KLHL12: variants seen among roughly 807,000 people sequenced by gnomAD.
KLHL12 encodes kelch like family member 12.
In KLHL12, 17 loss-of-function variants were observed where a neutral mutation model predicts 60.8. The ratio of observed to expected loss-of-function variants is 0.28; its 90% CI spans 0.19 to 0.42. The LOEUF (loss-of-function observed/expected upper bound fraction) is 0.42, where lower values mean the gene tolerates loss of function less well. Among genes scored for constraint, KLHL12 ranks in the 10% least tolerant of loss-of-function variants. The pLI, the probability that KLHL12 is intolerant of heterozygous loss-of-function variation, is 1.00. For missense variants in KLHL12, 468 were observed against 722.3 expected, an observed-to-expected ratio of 0.65 and a Z score of 4.04; for synonymous variants, 220 against 250.9, an observed-to-expected ratio of 0.88 and a Z score of 1.16.
intron 4 of KLHL12, chr1:202,911,793 C>T: frequency 1.4e-6 from 1 of 697,954 alleles, no homozygotes; most frequent in Non-Finnish European, 2.6e-6. Flanking sequence ...TCTTTAAAGT[C>T]TCTCTCCTCC....
intron 2 of KLHL12, among the ~76,000 whole-genome samples, chr1:202,921,636 T>G (rs984768274): frequency 2.6e-5 from 4 of 152,242 alleles, no homozygotes; most frequent in Admixed American, 2.0e-4. Context: ...AAATTGTTAG[T>G]AGTATATCTT....
intron 6 of KLHL12, among the ~76,000 whole-genome samples, chr1:202,900,504 G>A (rs145163563): frequency 1.3e-3 from 204 of 152,184 alleles, no homozygotes; most frequent in African/African-American, 4.4e-3. Context: ...GAACAAGGTC[G>A]TGTTCCTGCA....
intron 2 of KLHL12, among the ~76,000 whole-genome samples, chr1:202,922,811 T>C (rs1660738996): frequency 6.6e-6 from 1 of 151,802 alleles, no homozygotes; most frequent in African/African-American, 2.4e-5. Context: ...AACCAGTCAC[T>C]TAGCTAGTAA....
In KLHL12 at chr1:202,895,397, T is replaced by C; in HGVS notation, c.1135+125A>G. ...CAACAGAGAGAGACCCTGTCTCAAA[T>C]AATAATAACATTTGACCTTAATTTT... On this transcript the variant is annotated intron_variant, in intron 8 of 11. Coordinates refer to ENST00000367261, the MANE Select transcript of KLHL12 (RefSeq NM_021633.4). This position sits in a 1 kb window ranked among gnomAD's most constrained non-coding sequence, Gnocchi z 4.2. 1.2e-6 allele frequency: 1 copy of C among 822,084 alleles called. No homozygotes were observed. Among genetic ancestry groups the C allele is most frequent in the Non-Finnish European group, 1.9e-6 (1 of 523,918 alleles). The allele number at this position is 822,084 out of a possible 1,614,324, so 50.9% of individuals were successfully genotyped here. A position where few individuals can be genotyped will look rare whatever the true frequency, so the allele number is the denominator to read the frequency against.
intron 2 of KLHL12, among the ~76,000 whole-genome samples, chr1:202,920,266 A>G (rs1003725722): frequency 6.6e-6 from 1 of 151,682 alleles, no homozygotes; most frequent in African/African-American, 2.4e-5. Context: ...GAGAGCCAAG[A>G]TTGTGCCACT....
At chr1:202,911,465 T>C (rs1660356490) in intron 4 of KLHL12, among the ~76,000 whole-genome samples, 1 of 151,552 alleles carries the variant, frequency 6.6e-6, no homozygotes. Context: ...TATCTCTCTC[T>C]CTCTCTCTCT....
At chr1:202,896,085 G>A (rs998253202) in intron 7 of KLHL12, among the ~76,000 whole-genome samples, 1 of 152,188 alleles carries the variant, frequency 6.6e-6, no homozygotes, top group African/African-American at 2.4e-5. Context: ...AAAGGATGAG[G>A]ATTTATTATA....
intron 1 of KLHL12, 98 bp downstream of exon 1, chr1:202,926,991 C>T (rs1397613541): frequency 1.3e-5 from 12 of 891,902 alleles, no homozygotes; most frequent in Non-Finnish European, 1.6e-5. Context: ...TCTCCCATTC[C>T]GCCTTGCAGG....
At chr1:202,900,737 A>T (rs1286274231) in intron 6 of KLHL12, among the ~76,000 whole-genome samples, 1 of 151,776 alleles carries the variant, frequency 6.6e-6, no homozygotes, top group Non-Finnish European at 1.5e-5. Flanking sequence ...GGTGGTACAC[A>T]CCTGTAGTCC....
chr1:202,910,646 G>C (rs1051209640), intron 5 of KLHL12, among the ~76,000 whole-genome samples: 2 of 152,142 alleles, frequency 1.3e-5, no homozygotes, highest in African/African-American at 4.8e-5. Context: ...GATTAAAGTT[G>C]ACACTAAAAT....
chr1:202,896,676 C>A (rs1399724033), intron 7 of KLHL12, among the ~76,000 whole-genome samples, 178 bp downstream of exon 7: 1 of 152,206 alleles, frequency 6.6e-6, no homozygotes, highest in Non-Finnish European at 1.5e-5. Flanking sequence ...AAGGCATAAT[C>A]TTCTAATCTA....
At chr1:202,923,697 T>TTCC (rs1653341410) in intron 2 of KLHL12, among the ~76,000 whole-genome samples, 1 of 152,148 alleles carries the variant, frequency 6.6e-6, no homozygotes, top group African/African-American at 2.4e-5. Context: ...TATTCCTTCA[T>TTCC]TTGTAAAATG....
chr1:202,926,104 CAAAA>C (rs368473168), intron 1 of KLHL12, among the ~76,000 whole-genome samples: 10 of 59,526 alleles, frequency 1.7e-4, no homozygotes, highest in Admixed American at 4.1e-4. Flanking sequence ...GACTCTGTCT[CAAAA>C]AAAAAAAAAA....
intron 4 of KLHL12, chr1:202,912,485 A>C: frequency 3.2e-6 from 3 of 923,914 alleles, no homozygotes; most frequent in Non-Finnish European, 5.3e-6. Flanking sequence ...ATATGGTGGC[A>C]GTGAGGATGG....
At chr1:202,927,348 A>G, upstream of KLHL12, 1 of 859,738 alleles carries the variant, frequency 1.2e-6, no homozygotes, top group Non-Finnish European at 1.4e-6. Context: ...TCTGTACCCT[A>G]GCGCGGGGCT....
At chr1:202,903,852 G>A (rs937175707) in intron 6 of KLHL12, among the ~76,000 whole-genome samples, 1 of 150,808 alleles carries the variant, frequency 6.6e-6, no homozygotes, top group Non-Finnish European at 1.5e-5. Context: ...CGAATTCCTG[G>A]GCTCCATCGC....
In KLHL12 at chr1:202,925,227, A is replaced by AG. The variant is rs1653471533; in HGVS notation, c.-45-21_-45-20insC. The AG allele has an allele frequency of 5.0e-6, 8 of 1,600,466 alleles. No individual in the cohort carries two copies. The highest frequency in any genetic ancestry group is 6.8e-6 in the Non-Finnish European group (8 of 1,174,556). ...CTGCAACTACAAGAGGGAAAAAAAA[A>AG]CAATGAGCATATTCAAAGAACTAGG... On this transcript the variant is annotated intron_variant, in intron 1 of 11. Transcript: ENST00000367261.
At position 202,909,241 on chromosome 1, in the gene KLHL12, T is replaced by C; in HGVS notation, c.718-117A>G. 2 of 629,528 alleles carry C rather than the reference T, an allele frequency of 3.2e-6. No homozygotes were observed. Among genetic ancestry groups the C allele is most frequent in the Non-Finnish European group, 2.8e-6 (1 of 354,496 alleles). 39.0% of individuals were successfully genotyped at this position (629,528 alleles called of 1,614,324 possible). ...TACAGAAAACCAGTTTGCAAAGCCC[T>C]GTGATTCCAGGAGTATTGCTGGTAG... On this transcript the variant is annotated intron_variant, in intron 5 of 11. Transcript: ENST00000367261. This position sits in a 1 kb window ranked among gnomAD's most constrained non-coding sequence, Gnocchi z 4.1.
chr1:202,905,968 C>CTTTT (rs71142574), intron 6 of KLHL12, among the ~76,000 whole-genome samples: 11 of 51,672 alleles, frequency 2.1e-4, no homozygotes, highest in East Asian at 1.4e-3. Flanking sequence ...CCACACCTGG[C>CTTTT]TTTTTTTTTT....
Sources: gnomAD v4.1 joint callset for allele counts (sites outside exome capture counted in the v4.1 genomes callset) on GRCh38, gnomAD v4.1.1 for gene constraint, Gnocchi (gnomAD v3.1) non-coding constraint, MANE v1.5 for transcripts, NCBI Gene and HGNC (gene_info 2026-07-23, HGNC 2026-07-21) for gene names.